Variants in GUCY1A2 observed in about 807,000 individuals in gnomAD.
GUCY1A2 encodes guanylate cyclase 1 soluble subunit alpha 2.
Under a neutral mutation model 63.5 loss-of-function variants are expected in GUCY1A2, and 27 were observed. The ratio of observed to expected loss-of-function variants is 0.43; its 90% confidence interval spans 0.31 to 0.59. The LOEUF (loss-of-function observed/expected upper bound fraction) is 0.59. Among genes scored for constraint, GUCY1A2 ranks in the 20% least tolerant of loss-of-function variants. The pLI is 0.11. For missense variants in GUCY1A2, 768 were observed against 913.3 expected, an observed-to-expected ratio of 0.84 and a Z score of 2.05; for synonymous variants, 364 against 343.5, an observed-to-expected ratio of 1.06 and a Z score of -0.66.
At chr11:106,964,360 C>T (rs1343003534) in intron 3 of GUCY1A2, among the ~76,000 whole-genome samples, 1 of 152,186 alleles carries the variant, frequency 6.6e-6, no homozygotes, top group Non-Finnish European at 1.5e-5. Context: ...ATAGCTACCC[C>T]TCCAGGGCCT....
At chr11:106,742,918 C>T (rs78688258) in intron 6 of GUCY1A2, among the ~76,000 whole-genome samples, 3,400 of 152,092 alleles carry the variant, frequency 0.022, 52 homozygotes, top group Admixed American at 0.035. Context: ...TGGTATTTGC[C>T]TATTAATCTG....
In GUCY1A2 at chr11:106,727,776, T is replaced by G. The variant is rs565031693; in HGVS notation, c.1837-19110A>C. Among the ~76,000 whole-genome samples the G allele has an allele frequency of 1.6e-4, 25 of 152,318 alleles. No individual in the cohort carries two copies. The South Asian group carries it at 5.2e-3, about 32-fold the overall frequency. On this transcript the variant is annotated intron_variant, in intron 6 of 7. Transcript: ENST00000526355. ...CTAAATGTCTCCATATTTTCTGCTT[T>G]TCTCCATTCCTACTGTTCCTACTTT...
intron 7 of GUCY1A2, among the ~76,000 whole-genome samples, chr11:106,703,195 A>G (rs1311780532): frequency 6.6e-6 from 1 of 152,150 alleles, no homozygotes; most frequent in Admixed American, 6.5e-5. Flanking sequence ...CTTGCTGCTC[A>G]GCTTGCAGAC....
intron 4 of GUCY1A2, among the ~76,000 whole-genome samples, chr11:106,840,741 A>G (rs1012386571): frequency 2.3e-4 from 35 of 151,982 alleles, no homozygotes; most frequent in African/African-American, 7.7e-4. Context: ...AATAAAGAAC[A>G]CTTGCCAATT....
chr11:106,845,188 A>T (rs1859253834), intron 4 of GUCY1A2, among the ~76,000 whole-genome samples: 1 of 151,734 alleles, frequency 6.6e-6, no homozygotes, highest in South Asian at 2.1e-4. Context: ...CAGGCCAAAT[A>T]TATGGAAAGC....
At chr11:106,949,121 C>T (rs894497745) in intron 3 of GUCY1A2, among the ~76,000 whole-genome samples, 2 of 151,982 alleles carry the variant, frequency 1.3e-5, no homozygotes, top group African/African-American at 4.8e-5. Context: ...GTTCATAATG[C>T]ATCTCCCCTG....
intron 6 of GUCY1A2, among the ~76,000 whole-genome samples, chr11:106,734,447 AT>A (rs1294955699): frequency 6.6e-6 from 1 of 152,120 alleles, no homozygotes; most frequent in Non-Finnish European, 1.5e-5. Flanking sequence ...AAATAAATGT[AT>A]TTCATAGAAT....
chr11:106,970,057 A>G (rs12574588), intron 3 of GUCY1A2, among the ~76,000 whole-genome samples: 11,754 of 152,262 alleles, frequency 0.077, 520 homozygotes, highest in South Asian at 0.14. Flanking sequence ...ATGAGAATGT[A>G]TTGAGTAAAG....
intron 4 of GUCY1A2, among the ~76,000 whole-genome samples, chr11:106,914,536 G>GC (rs1860342659): frequency 6.6e-6 from 1 of 151,284 alleles, no homozygotes; most frequent in African/African-American, 2.4e-5. Flanking sequence ...GCTACGTCCA[G>GC]TAAGTACAAA....
At position 106,870,991 on chromosome 11, in the gene GUCY1A2, T is replaced by C. The variant is rs116866255; in HGVS notation, c.1207-60513A>G. On this transcript the variant is annotated intron_variant, in intron 4 of 7. Transcript: ENST00000526355. ...TACAGTGATATTTTCATTGGCTTAT[T>C]ATGATAAGCTTCTCAAGTCCAAGGA... Among the ~76,000 whole-genome samples the C allele has an allele frequency of 6.4e-4, 97 of 152,292 alleles. No individual in the cohort carries two copies. In the East Asian group the frequency reaches 9.9e-3, roughly 15 times the overall value.
chr11:106,875,586 A>C (rs1283176364), intron 4 of GUCY1A2, among the ~76,000 whole-genome samples: 5 of 152,030 alleles, frequency 3.3e-5, no homozygotes, highest in African/African-American at 9.7e-5. Context: ...GACTCTCAGC[A>C]GTCCCAAACT....
chr11:106,921,544 G>C (rs1020436949), intron 4 of GUCY1A2, among the ~76,000 whole-genome samples: 1 of 151,910 alleles, frequency 6.6e-6, no homozygotes, highest in African/African-American at 2.4e-5. Flanking sequence ...CATTCTCCTA[G>C]TCCCAGTTTC....
intron 3 of GUCY1A2, among the ~76,000 whole-genome samples, chr11:106,965,618 C>A (rs1861117685): frequency 6.6e-6 from 1 of 152,200 alleles, no homozygotes; most frequent in African/African-American, 2.4e-5. Context: ...AAGTTTTATA[C>A]CTCCTGCCAT....
At chr11:106,738,762 G>T (rs1863635595) in intron 6 of GUCY1A2, among the ~76,000 whole-genome samples, 1 of 151,988 alleles carries the variant, frequency 6.6e-6, no homozygotes, top group African/African-American at 2.4e-5. Flanking sequence ...CATCTGTTTT[G>T]GTACCAGTAC....
chr11:106,995,184 G>A (rs1861519215), intron 1 of GUCY1A2, among the ~76,000 whole-genome samples: 1 of 152,116 alleles, frequency 6.6e-6, no homozygotes, highest in South Asian at 2.1e-4. Flanking sequence ...AGCTTTCTGG[G>A]TTATTCACTG....
At chr11:106,796,639 G>T (rs1289296599) in intron 5 of GUCY1A2, among the ~76,000 whole-genome samples, 2 of 152,186 alleles carry the variant, frequency 1.3e-5, no homozygotes, top group African/African-American at 2.4e-5. Flanking sequence ...TCTGCTGAGA[G>T]ATCAGCTGTT....
At chr11:106,807,638 TA>T (rs1337577962) in intron 5 of GUCY1A2, among the ~76,000 whole-genome samples, 2 of 152,146 alleles carry the variant, frequency 1.3e-5, no homozygotes, top group African/African-American at 4.8e-5. Flanking sequence ...GATTGAAGGA[TA>T]AAAAATATTG....
At chr11:106,735,671 A>G (rs940526633) in intron 6 of GUCY1A2, among the ~76,000 whole-genome samples, 3 of 152,122 alleles carry the variant, frequency 2.0e-5, no homozygotes, top group Admixed American at 2.0e-4. Context: ...GCTGGATCAT[A>G]TGGTAGTTTT....
At chr11:106,709,275 A>G (rs1326552757) in intron 6 of GUCY1A2, among the ~76,000 whole-genome samples, 3 of 58,402 alleles carry the variant, frequency 5.1e-5, no homozygotes, top group African/African-American at 3.5e-4. Flanking sequence ...ATATTTATAT[A>G]TATAAATTTA....
Sources: gnomAD v4.1 joint callset for allele counts (sites outside exome capture counted in the v4.1 genomes callset) on GRCh38, gnomAD v4.1.1 for gene constraint, MANE v1.5 for transcripts, NCBI Gene and HGNC (gene_info 2026-07-23, HGNC 2026-07-21) for gene names.